The following CALD1 variants were observed in gnomAD, a reference collection of about 807,000 sequenced individuals.
CALD1 encodes caldesmon 1.
In CALD1, 33 loss-of-function variants were observed where a neutral mutation model predicts 99.9. The ratio of observed to expected loss-of-function variants is 0.33; its 90% CI spans 0.25 to 0.44. CALD1 has a LOEUF of 0.44. Ranked by LOEUF, CALD1 falls within the 20% of genes least tolerant of loss-of-function variation. The pLI is 1.00. For synonymous variants in CALD1, 310 were observed against 325.0 expected (o/e 0.95, Z 0.50); for missense variants, 861 against 962.1 (o/e 0.89, Z 1.39).
intron 1 of CALD1, among the ~76,000 whole-genome samples, chr7:134,789,995 G>T (rs963872077): frequency 6.6e-6 from 1 of 150,824 alleles, no homozygotes; most frequent in Non-Finnish European, 1.5e-5. Flanking sequence ...CTGAGATTGG[G>T]TTGTTTTGCA....
intron 3 of CALD1, among the ~76,000 whole-genome samples, chr7:134,927,808 C>G (rs1378808344): frequency 6.7e-6 from 1 of 150,182 alleles, no homozygotes; most frequent in Admixed American, 6.6e-5. Context: ...CACCTTCTCT[C>G]GCCAGGGAAA....
chr7:134,958,887 ATATATATATATATATATATATATT>A, intron 11 of CALD1, among the ~76,000 whole-genome samples: 1 of 96,236 alleles, frequency 1.0e-5, no homozygotes, highest in South Asian at 4.1e-4. Context: ...ATATATATAT[ATATATATATATATATATATATATT>A]TAACTATATA....
At chr7:134,923,237 C>A (rs1000287644) in intron 3 of CALD1, among the ~76,000 whole-genome samples, 1 of 152,196 alleles carries the variant, frequency 6.6e-6, no homozygotes, top group Non-Finnish European at 1.5e-5. Flanking sequence ...GTGGAATACT[C>A]CACAATAAAC....
In CALD1 at chr7:134,941,156, G is replaced by C. The variant is rs200617975; in HGVS notation, c.1451G>C (p.Arg484Pro). Reference protein sequence around the residue: ...PKEEVKSFMDRKKGFTEVKSQ... With the variant: ...PKEEVKSFMDPKKGFTEVKSQ... ...GAAGAAGTTAAGAGCTTCATGGATC[G>C]AAAGAAGGGATTTACAGAAGTTAAG... Residue 484 changes from arginine to proline, a missense_variant, in exon 7 of 15, where the codon CGA becomes CCA. Physicochemically the swap from Arg to Pro is moderately radical, Grantham distance 103. Coordinates refer to ENST00000361675, the MANE Select transcript of CALD1 (RefSeq NM_033138.4). The C allele has an allele frequency of 1.2e-6, 2 of 1,612,542 alleles. No individual in the cohort carries two copies. Among genetic ancestry groups the C allele is most frequent in the South Asian group, 1.1e-5 (1 of 90,870 alleles).
intron 3 of CALD1, among the ~76,000 whole-genome samples, chr7:134,887,688 A>G (rs982186664): frequency 1.3e-4 from 18 of 139,670 alleles, no homozygotes; most frequent in African/African-American, 4.7e-4. Context: ...ATGTGTGTGT[A>G]TGTGTATGTG....
At position 134,873,612 on chromosome 7, in the gene CALD1, G is replaced by A. The variant is rs143649295; in HGVS notation, c.71+5808G>A. ...GAACATTTTTGCTCTATATGAATGA[G>A]GCAACCCCAAGACACATAATGATGG... On this transcript the variant is annotated intron_variant, in intron 3 of 14. Coordinates refer to ENST00000361675, the MANE Select transcript of CALD1 (RefSeq NM_033138.4). 3.3e-4 allele frequency among the ~76,000 whole-genome samples: 50 copies of A among 152,310 alleles called. 1 individual carries two copies. The East Asian group carries it at 8.3e-3, about 25-fold the overall frequency.
chr7:134,826,068 T>C (rs998106033), intron 1 of CALD1, among the ~76,000 whole-genome samples: 15 of 152,126 alleles, frequency 9.9e-5, no homozygotes, highest in Non-Finnish European at 2.2e-4. Context: ...AAACTTAGTC[T>C]CAAAATCTCC....
At chr7:134,928,208 G>C (rs1057104465) in intron 3 of CALD1, 1 of 166,364 alleles carries the variant, frequency 6.0e-6, no homozygotes, top group South Asian at 1.3e-4. Context: ...GAGGCGGGCG[G>C]ATCATGAGGT....
At chr7:134,735,825 A>G in the CALD1 span, among the ~76,000 whole-genome samples, 100,238 of 151,440 alleles carry the variant, frequency 0.66, 33,670 homozygotes, top group East Asian at 0.89. Flanking sequence ...TAACTCCAAA[A>G]AGTCCAGCTG....
At chr7:134,822,159 A>G (rs1798809842) in intron 1 of CALD1, 1 of 152,208 alleles carries the variant, frequency 6.6e-6, no homozygotes, top group Admixed American at 6.5e-5. Context: ...ACCCTTGGAC[A>G]GGTCTATATT....
chr7:134,742,410 G>A (rs905474787), upstream of CALD1, among the ~76,000 whole-genome samples: 4 of 152,300 alleles, frequency 2.6e-5, no homozygotes, highest in Admixed American at 1.3e-4. Flanking sequence ...GAGCATGCTG[G>A]GACACCTTCC....
At chr7:134,886,087 G>A (rs1045917327) in intron 3 of CALD1, among the ~76,000 whole-genome samples, 1 of 152,190 alleles carries the variant, frequency 6.6e-6, no homozygotes, top group Admixed American at 6.5e-5. Flanking sequence ...AGCTTAGAGA[G>A]TCGGCCTAAG....
At chr7:134,942,792 C>T (rs896484402) in intron 7 of CALD1, among the ~76,000 whole-genome samples, 2 of 152,202 alleles carry the variant, frequency 1.3e-5, no homozygotes, top group African/African-American at 4.8e-5. Context: ...AGAGAAATAA[C>T]GTTTAAGAAA....
intron 1 of CALD1, among the ~76,000 whole-genome samples, chr7:134,787,167 C>T (rs1015097519): frequency 6.6e-6 from 1 of 152,068 alleles, no homozygotes. Flanking sequence ...ATCCGTTTGG[C>T]CAGAAGAGCA....
At chr7:134,732,501 A>G in the CALD1 span, among the ~76,000 whole-genome samples, 2 of 152,228 alleles carry the variant, frequency 1.3e-5, no homozygotes, top group African/African-American at 2.4e-5. Context: ...TTTCCACCAA[A>G]TGAGGACTCA....
At chr7:134,774,600 C>T (rs1265571094) in intron 1 of CALD1, among the ~76,000 whole-genome samples, 1 of 152,200 alleles carries the variant, frequency 6.6e-6, no homozygotes, top group Non-Finnish European at 1.5e-5. Flanking sequence ...CTATTCCTTA[C>T]CCAGACTTAC....
chr7:134,934,108 A>T, intron 5 of CALD1, 31 bp downstream of exon 5: 1 of 1,582,054 alleles, frequency 6.3e-7, no homozygotes, highest in Non-Finnish European at 8.6e-7. Context: ...CAAATGTGTG[A>T]TGCCTGTGAC....
chr7:134,842,405 C>T (rs1799686632), intron 1 of CALD1, among the ~76,000 whole-genome samples: 1 of 152,200 alleles, frequency 6.6e-6, no homozygotes, highest in South Asian at 2.1e-4. Flanking sequence ...CTGAAAAATA[C>T]TTAACAAACA....
At chr7:134,926,269 ATTTAAC>A (rs995012356) in intron 3 of CALD1, among the ~76,000 whole-genome samples, 3 of 152,206 alleles carry the variant, frequency 2.0e-5, no homozygotes, top group African/African-American at 7.2e-5. Flanking sequence ...TAACTCTAAA[ATTTAAC>A]TTTAAATTTA....
Sources: gnomAD v4.1 joint callset for allele counts (sites outside exome capture counted in the v4.1 genomes callset) on GRCh38, gnomAD v4.1.1 for gene constraint, MANE v1.5 for transcripts, NCBI Gene and HGNC (gene_info 2026-07-23, HGNC 2026-07-21) for gene names.